Variants in ATG4C observed in about 807,000 individuals in gnomAD.
ATG4C encodes autophagy related 4C cysteine peptidase, also known as cysteine protease ATG4C.
In ATG4C, 56 loss-of-function variants were observed where a neutral mutation model predicts 57.6. That is an observed-to-expected ratio of 0.97 (90% CI 0.78 to 1.21). The LOEUF (loss-of-function observed/expected upper bound fraction) is 1.21. Among genes scored for constraint, ATG4C ranks in the 50% most tolerant of loss-of-function variants. ATG4C has a pLI of 0.00. For synonymous variants in ATG4C, 157 were observed against 174.1 expected (o/e 0.90, Z 0.78); for missense variants, 595 against 529.8 (o/e 1.12, Z -1.21).
intron 4 of ATG4C, among the ~76,000 whole-genome samples, chr1:62,817,851 G>A (rs954341592): frequency 1.3e-5 from 2 of 152,086 alleles, no homozygotes; most frequent in African/African-American, 4.8e-5. Context: ...TTTTATAAGT[G>A]TTAAGACAGT....
At chr1:62,790,006 C>G (rs2100275420) in intron 1 of ATG4C, among the ~76,000 whole-genome samples, 1 of 151,830 alleles carries the variant, frequency 6.6e-6, no homozygotes, top group South Asian at 2.1e-4. Context: ...CCTCTGCCTC[C>G]TGGGTTCAAG....
chr1:62,862,833 A>G (rs1010519605), intron 10 of ATG4C, among the ~76,000 whole-genome samples: 1 of 152,084 alleles, frequency 6.6e-6, no homozygotes, highest in African/African-American at 2.4e-5. Context: ...TAAGAAATTG[A>G]TGATCCTTCA....
chr1:62,857,644 C>T (rs1666726394), intron 10 of ATG4C, among the ~76,000 whole-genome samples: 1 of 152,082 alleles, frequency 6.6e-6, no homozygotes, highest in African/African-American at 2.4e-5. Flanking sequence ...TTGGGGACTG[C>T]TGGTTATTCA....
chr1:62,853,441 A>ATT (rs1221203849), intron 10 of ATG4C, among the ~76,000 whole-genome samples: 2 of 152,154 alleles, frequency 1.3e-5, no homozygotes, highest in African/African-American at 4.8e-5. Flanking sequence ...GTTAGCTATA[A>ATT]TTATTACTGT....
intron 5 of ATG4C, 50 bp downstream of exon 5, chr1:62,819,385 A>G (rs1418687800): frequency 1.4e-6 from 2 of 1,440,250 alleles, no homozygotes; most frequent in Admixed American, 2.4e-5. Context: ...CCTCAGGATT[A>G]AGAGATACTG....
intron 2 of ATG4C, among the ~76,000 whole-genome samples, 169 bp downstream of exon 2, chr1:62,804,031 C>T (rs964646581): frequency 6.6e-6 from 1 of 151,304 alleles, no homozygotes; most frequent in Non-Finnish European, 1.5e-5. Context: ...AAGAAAGAGC[C>T]AAGTATCATC....
chr1:62,808,738 A>G (rs1282131660), intron 3 of ATG4C, among the ~76,000 whole-genome samples: 2 of 152,148 alleles, frequency 1.3e-5, no homozygotes. Context: ...ATGAGAAATT[A>G]CTAATGACTT....
intron 2 of ATG4C, among the ~76,000 whole-genome samples, chr1:62,804,475 T>C (rs1031751635): frequency 7.9e-5 from 12 of 151,930 alleles, no homozygotes; most frequent in South Asian, 6.2e-4. Context: ...CTAAAACATA[T>C]AGAATTTATT....
At chr1:62,824,517 A>G (rs1184290320) in intron 6 of ATG4C, among the ~76,000 whole-genome samples, 1 of 152,190 alleles carries the variant, frequency 6.6e-6, no homozygotes, top group Non-Finnish European at 1.5e-5. Context: ...GGTGTAAAGT[A>G]TGTTTTGAAT....
Position 62,864,648 on chromosome 1 carries a change from TTTG to T in ATG4C, c.*492_*494del, listed in dbSNP as rs1260429407. The T allele has an allele frequency of 6.5e-6, 1 of 154,258 alleles. No homozygotes were observed. The highest frequency in any genetic ancestry group is 2.4e-5 in the African/African-American group (1 of 41,448). The allele number at this position is 154,258 out of a possible 1,614,324, so 9.6% of individuals were successfully genotyped here. On this transcript the variant is annotated 3_prime_UTR_variant, in exon 11 of 11. Transcript: ENST00000317868. ...CATATGTCTTGATAATTAAATAGTA[TTTG>T]TTAACTGTGATATGCATACACTTAT...
rs1027189617 is a variant in ATG4C, at chr1:62,865,243, A to G, written c.*1084A>G. On this transcript the variant is annotated 3_prime_UTR_variant, in exon 11 of 11. Coordinates refer to ENST00000317868, the MANE Select transcript of ATG4C (RefSeq NM_032852.4). ...CTCAAATGAATTCTGTTCATTTATA[A>G]TAAATGCATATATTGCTCTGAAAAC... The G allele has an allele frequency of 6.6e-6, 1 of 151,964 alleles. No homozygotes were observed. Among genetic ancestry groups the G allele is most frequent in the African/African-American group, 2.4e-5 (1 of 41,446 alleles). The allele number at this position is 151,964 out of a possible 1,614,324, so 9.4% of individuals were successfully genotyped here.
chr1:62,785,795 T>G (rs764623557), intron 1 of ATG4C, among the ~76,000 whole-genome samples: 2 of 152,210 alleles, frequency 1.3e-5, no homozygotes, highest in African/African-American at 2.4e-5. Context: ...TATTCCTAAT[T>G]AATGCACAAA....
At chr1:62,858,522 A>G (rs1053871249) in intron 10 of ATG4C, among the ~76,000 whole-genome samples, 1 of 152,200 alleles carries the variant, frequency 6.6e-6, no homozygotes, top group African/African-American at 2.4e-5. Flanking sequence ...GAAGGAGTGA[A>G]TGTAGACAGA....
At chr1:62,828,626 CT>C (rs780503170) in intron 6 of ATG4C, among the ~76,000 whole-genome samples, 30 of 152,190 alleles carry the variant, frequency 2.0e-4, no homozygotes, top group Non-Finnish European at 4.3e-4. Flanking sequence ...TTGATAGTTT[CT>C]TTTGCTGTGC....
chr1:62,834,123 G>C lies in ATG4C; in HGVS notation c.1012+7G>C. 1 of 1,608,516 alleles carries C rather than the reference G, an allele frequency of 6.2e-7. No individual in the cohort carries two copies. The highest frequency in any genetic ancestry group is 2.2e-5 in the East Asian group (1 of 44,732). ...TACTTTGCTGGATTTCAAGGTTAGTGATTTAGTAAAATATATTTCTTCATT... is the reference window on the plus strand; with the variant it reads ...TACTTTGCTGGATTTCAAGGTTAGTCATTTAGTAAAATATATTTCTTCATT... On this transcript the variant is annotated splice_region_variant and intron_variant, in intron 8 of 10. Coordinates refer to ENST00000317868, the MANE Select transcript of ATG4C (RefSeq NM_032852.4).
Position 62,812,978 on chromosome 1 carries a change from A to C in ATG4C, c.161-3597A>C, listed in dbSNP as rs529882253. 4.6e-5 allele frequency among the ~76,000 whole-genome samples: 7 copies of C among 152,338 alleles called. No individual in the cohort carries two copies. The South Asian group carries it at 8.3e-4, about 18-fold the overall frequency. ...TGCTCAAGGGAATAAAAGAGGACAC[A>C]AACAAATGGAAAAACATTCCATGCT... is the stretch of plus-strand genomic sequence containing the variant. On this transcript the variant is annotated intron_variant, in intron 3 of 10. Transcript: ENST00000317868.
intron 10 of ATG4C, among the ~76,000 whole-genome samples, chr1:62,842,839 A>T (rs980175506): frequency 2.6e-5 from 4 of 152,166 alleles, no homozygotes; most frequent in Non-Finnish European, 4.4e-5. Context: ...CTTTTTCAAC[A>T]TGGAAGGCCA....
chr1:62,858,022 C>G (rs1437697520), intron 10 of ATG4C, among the ~76,000 whole-genome samples: 1 of 152,168 alleles, frequency 6.6e-6, no homozygotes, highest in African/African-American at 2.4e-5. Flanking sequence ...TGAATTTAAA[C>G]TAAACACTTG....
intron 1 of ATG4C, among the ~76,000 whole-genome samples, chr1:62,802,100 T>C (rs937679023): frequency 2.0e-5 from 3 of 152,042 alleles, no homozygotes; most frequent in Non-Finnish European, 4.4e-5. Context: ...TCCTGATGTT[T>C]CCTATCTCAG....
Sources: allele counts gnomAD v4.1 joint callset (sites outside exome capture counted in the v4.1 genomes callset), GRCh38; gene constraint gnomAD v4.1.1; transcripts MANE v1.5; gene names NCBI Gene and HGNC (gene_info 2026-07-23, HGNC 2026-07-21).